Variants in ANKS6 observed in about 807,000 individuals in gnomAD.
ANKS6 encodes ankyrin repeat and sterile alpha motif domain containing 6.
In ANKS6, 47 loss-of-function variants were observed where a neutral mutation model predicts 77.9. The ratio of observed to expected loss-of-function variants is 0.60; its 90% CI spans 0.48 to 0.77. The LOEUF (loss-of-function observed/expected upper bound fraction) is 0.77. ANKS6 is among the 30% of genes least tolerant of loss of function. The probability of loss-of-function intolerance (pLI) is 0.00; values close to 1 mark genes in which losing one functional copy is unlikely to be tolerated. For missense variants in ANKS6, 1,150 were observed against 1,159.1 expected, an observed-to-expected ratio of 0.99 and a Z score of 0.11; for synonymous variants, 488 against 501.7, an observed-to-expected ratio of 0.97 and a Z score of 0.37.
At chr9:98,770,562 G>A (rs972906642) in intron 10 of ANKS6, among the ~76,000 whole-genome samples, 1 of 152,048 alleles carries the variant, frequency 6.6e-6, no homozygotes, top group Non-Finnish European at 1.5e-5. Flanking sequence ...CAATGAAGGG[G>A]CAGAATGAGA....
At chr9:98,745,491 G>T (rs2131933408) in intron 14 of ANKS6, 68 bp downstream of exon 14, 2 of 1,462,756 alleles carry the variant, frequency 1.4e-6, no homozygotes, top group East Asian at 2.3e-5. Flanking sequence ...ACCTTCCCAA[G>T]ATCCCAGGAC....
At chr9:98,770,872 G>C (rs1291168006) in intron 10 of ANKS6, 24 bp downstream of exon 10, 7 of 1,416,506 alleles carry the variant, frequency 4.9e-6, no homozygotes, top group Non-Finnish European at 6.5e-6. Flanking sequence ...CCACCTCCCT[G>C]AGTGGCCCTG....
chr9:98,752,919 T>C (rs925608842), intron 12 of ANKS6, among the ~76,000 whole-genome samples: 2 of 152,206 alleles, frequency 1.3e-5, no homozygotes, highest in African/African-American at 4.8e-5. Context: ...TGAGCGAGGA[T>C]GTATGAGACA....
intron 1 of ANKS6, among the ~76,000 whole-genome samples, chr9:98,795,615 G>A (rs1283478846): frequency 6.6e-6 from 1 of 152,262 alleles, no homozygotes; most frequent in East Asian, 1.9e-4. Context: ...CTAATTCTCA[G>A]GTATCCGCAG....
In ANKS6 at chr9:98,732,552, G is replaced by A; in HGVS notation, c.*3967C>T. 6.4e-7 allele frequency: 1 copy of A among 1,550,584 alleles called. No individual in the cohort carries two copies. The highest frequency in any genetic ancestry group is 8.7e-7 in the Non-Finnish European group (1 of 1,146,992). On this transcript the variant is annotated 3_prime_UTR_variant, in exon 15 of 15. Coordinates refer to ENST00000353234, the MANE Select transcript of ANKS6 (RefSeq NM_173551.5). ...CTTCTGGCCTCACCCACCCAACCAT[G>A]GCTACGTCAGGGCAGAAGGGAGAGA...
chr9:98,745,568 G>A lies in ANKS6; in HGVS notation c.2502C>T (p.Asn834=), dbSNP rs201958764. The part of the protein sequence containing the change: ...QQILAAISEL[N]AGKGRERQIL... ...AAACAGAGAACGGTACCTTGCCTGCGTTCAGTTCAGAAATCGCTGCCAGAA... is the reference window on the plus strand; with the variant it reads ...AAACAGAGAACGGTACCTTGCCTGCATTCAGTTCAGAAATCGCTGCCAGAA... Residue 834 remains asparagine (N), a synonymous_variant, in exon 14 of 15, where the codon AAC becomes AAT. Transcript: ENST00000353234. The A allele has an allele frequency of 9.3e-6, 15 of 1,613,122 alleles. No homozygotes were observed. In the East Asian group the frequency reaches 1.1e-4, roughly 12 times the overall value.
At chr9:98,739,304 C>A (rs1251439160) in intron 14 of ANKS6, among the ~76,000 whole-genome samples, 1 of 152,158 alleles carries the variant, frequency 6.6e-6, no homozygotes, top group East Asian at 1.9e-4. Flanking sequence ...ACGACAACAA[C>A]AACAACAACG....
In ANKS6 at chr9:98,790,415, C is replaced by G; in HGVS notation, c.551G>C (p.Gly184Ala). The G allele has an allele frequency of 6.2e-7, 1 of 1,613,806 alleles. No homozygotes were observed. The highest frequency in any genetic ancestry group is 8.5e-7 in the Non-Finnish European group (1 of 1,180,010). Residue 184 changes from glycine (G) to alanine (A), a missense_variant, in exon 2 of 15, where the codon GGC (glycine) becomes GCC (alanine). Physicochemically the swap from Gly to Ala is moderately conservative, Grantham distance 60. Transcript: ENST00000353234. Reference protein sequence around the residue: ...HPSGEQLGLGGSRDEPLDITA... With the variant: ...HPSGEQLGLGASRDEPLDITA... The stretch of plus-strand genomic sequence containing the variant: ...GATGTCCAAGGGCTCATCCCTGCTG[C>G]CGCCCAACCCCAGTTGCTCGCCTGA...
Position 98,783,943 on chromosome 9 carries a change from T to A in ANKS6, c.1112+10A>T. The A allele has an allele frequency of 6.4e-7, 1 of 1,569,870 alleles. No individual in the cohort carries two copies. Among genetic ancestry groups the A allele is most frequent in the East Asian group, 2.3e-5 (1 of 43,330 alleles). On this transcript the variant is annotated intron_variant, in intron 4 of 14. Coordinates refer to ENST00000353234, the MANE Select transcript of ANKS6 (RefSeq NM_173551.5). ...GGCCTTGTCGCTGAGGGCGTGGGGC[T>A]GGCACTGACCCATGGTAGGTTGCCT...
chr9:98,754,513 G>C (rs1175525551), intron 12 of ANKS6, among the ~76,000 whole-genome samples: 1 of 152,022 alleles, frequency 6.6e-6, no homozygotes, highest in Non-Finnish European at 1.5e-5. Context: ...GTGGTGGCGG[G>C]CACCTGAGGT....
chr9:98,747,493 C>T (rs1024336836), intron 13 of ANKS6, among the ~76,000 whole-genome samples: 2 of 152,136 alleles, frequency 1.3e-5, no homozygotes, highest in African/African-American at 4.8e-5. Context: ...TCTCTGGCAA[C>T]AGTAAGCTCC....
chr9:98,752,518 T>C (rs1478450222), intron 12 of ANKS6, among the ~76,000 whole-genome samples: 3 of 152,188 alleles, frequency 2.0e-5, no homozygotes, highest in African/African-American at 7.2e-5. Context: ...GAGAGGTCCC[T>C]GTCATGAAGC....
Position 98,735,994 on chromosome 9 carries a change from A to T in ANKS6, c.*525T>A. 8.2e-7 allele frequency: 1 copy of T among 1,223,136 alleles called. No homozygotes were observed. The highest frequency in any genetic ancestry group is 1.0e-6 in the Non-Finnish European group (1 of 982,830). 75.8% of individuals were successfully genotyped at this position (1,223,136 alleles called of 1,614,324 possible). ...CCAGGAAGGCTAACCTCTCACCATA[A>T]TACATACCCCCCATCTAAGTCAAAA... On this transcript the variant is annotated 3_prime_UTR_variant, in exon 15 of 15. Coordinates refer to ENST00000353234, the MANE Select transcript of ANKS6 (RefSeq NM_173551.5).
chr9:98,786,298 T>G lies in ANKS6; in HGVS notation c.863-1422A>C, dbSNP rs549754265. On this transcript the variant is annotated intron_variant, in intron 2 of 14. Coordinates refer to ENST00000353234, the MANE Select transcript of ANKS6 (RefSeq NM_173551.5). ...CAGGCCGGAACTCCAGAATTGTTTT[T>G]TTTTTTTTTTTGAGATGGAGTCTTG... 2.9e-4 allele frequency among the ~76,000 whole-genome samples: 43 copies of G among 150,282 alleles called. 1 individual carries two copies. Among genetic ancestry groups the G allele is most frequent in the African/African-American group, 9.1e-4 (37 of 40,834 alleles).
chr9:98,783,460 G>A (rs1834392104), intron 4 of ANKS6: 1 of 152,230 alleles, frequency 6.6e-6, no homozygotes, highest in Admixed American at 6.6e-5. Context: ...CCATCCTGCT[G>A]GGATGATCAC....
intron 14 of ANKS6, among the ~76,000 whole-genome samples, chr9:98,739,563 C>T (rs772602040): frequency 2.6e-5 from 4 of 152,064 alleles, no homozygotes; most frequent in African/African-American, 7.2e-5. Context: ...CCTCAGGTGA[C>T]GGCTGTGAGA....
At chr9:98,743,911 C>T (rs1831977394) in intron 14 of ANKS6, among the ~76,000 whole-genome samples, 1 of 152,188 alleles carries the variant, frequency 6.6e-6, no homozygotes, top group African/African-American at 2.4e-5. Context: ...CTGTGAGCCA[C>T]CCTCAGGCTT....
At chr9:98,794,864 G>A (rs530958688) in intron 1 of ANKS6, among the ~76,000 whole-genome samples, 1 of 152,194 alleles carries the variant, frequency 6.6e-6, no homozygotes, top group African/African-American at 2.4e-5. Flanking sequence ...TCCCCTCACT[G>A]CCCTGGGCCT....
At chr9:98,774,167 G>A (rs924424101) in intron 8 of ANKS6, 87 bp from the exon 9 acceptor site, 1 of 1,227,846 alleles carries the variant, frequency 8.1e-7, no homozygotes, top group Non-Finnish European at 1.1e-6. Context: ...CTGCTTCTTG[G>A]GGCATGGCAC....
Sources: allele counts gnomAD v4.1 joint callset (sites outside exome capture counted in the v4.1 genomes callset), GRCh38; gene constraint gnomAD v4.1.1; transcripts MANE v1.5; gene names NCBI Gene and HGNC (gene_info 2026-07-23, HGNC 2026-07-21).